The following USP8 variants were observed in gnomAD, a reference collection of about 807,000 sequenced individuals.
USP8 encodes the protein ubiquitin carboxyl-terminal hydrolase 8.
A neutral mutation model predicts 130.0 loss-of-function variants in USP8; 27 were observed. The ratio of observed to expected loss-of-function variants is 0.21; its 90% CI spans 0.15 to 0.29. USP8 has a LOEUF of 0.29. USP8 is among the 10% of genes least tolerant of loss of function. The probability of loss-of-function intolerance (pLI) is 1.00; values close to 1 mark genes in which losing one functional copy is unlikely to be tolerated. For missense variants in USP8, 1,029 were observed against 1,312.2 expected, an observed-to-expected ratio of 0.78 and a Z score of 3.33; for synonymous variants, 392 against 444.1, an observed-to-expected ratio of 0.88 and a Z score of 1.48.
intron 8 of USP8, among the ~76,000 whole-genome samples, chr15:50,476,175 T>C (rs1196973872): frequency 1.3e-5 from 2 of 152,160 alleles, no homozygotes; most frequent in African/African-American, 4.8e-5. Context: ...CTCACGCCTA[T>C]AAATCCCAGC....
chr15:50,451,872 G>T (rs759429330), intron 4 of USP8, among the ~76,000 whole-genome samples: 4 of 152,230 alleles, frequency 2.6e-5, no homozygotes, highest in Admixed American at 6.5e-5. Context: ...ATGCTCTCTA[G>T]GTTTGGAGAA....
In USP8 at chr15:50,426,203, A is replaced by G. The variant is rs570739786; in HGVS notation, c.-66+1689A>G. Among the ~76,000 whole-genome samples, 17 of 152,354 alleles carry G rather than the reference A, an allele frequency of 1.1e-4. No homozygotes were observed. In the South Asian group the frequency reaches 3.3e-3, roughly 30 times the overall value. ...GGTAAGACAGTTGGAAAATAAAGCCAGTACATTAAATTTTTTTCATAAGTC... is the reference window on the plus strand; with the variant it reads ...GGTAAGACAGTTGGAAAATAAAGCCGGTACATTAAATTTTTTTCATAAGTC... On this transcript the variant is annotated intron_variant, in intron 1 of 19. Coordinates refer to ENST00000307179, the MANE Select transcript of USP8 (RefSeq NM_005154.5).
intron 11 of USP8, among the ~76,000 whole-genome samples, chr15:50,482,785 T>C (rs1163542210): frequency 6.6e-6 from 1 of 152,196 alleles, no homozygotes; most frequent in African/African-American, 2.4e-5. Context: ...TATGTATAAA[T>C]GGAAAAAACA....
intron 5 of USP8, among the ~76,000 whole-genome samples, chr15:50,459,439 C>T (rs1042169797): frequency 2.0e-5 from 3 of 152,168 alleles, no homozygotes; most frequent in African/African-American, 7.2e-5. Flanking sequence ...CAAAAGTTAG[C>T]TGGATGTGGT....
intron 4 of USP8, 83 bp from the exon 5 acceptor site, chr15:50,458,917 T>C: frequency 1.3e-6 from 2 of 1,537,536 alleles, no homozygotes; most frequent in Non-Finnish European, 1.8e-6. Flanking sequence ...CAAGGCAGGA[T>C]ACTAATTTTA....
Position 50,425,276 on chromosome 15 carries a change from A to T in USP8, c.-66+762A>T, listed in dbSNP as rs138667305. Among the ~76,000 whole-genome samples the T allele has an allele frequency of 5.3e-5, 8 of 152,304 alleles. No individual in the cohort carries two copies. The East Asian group carries it at 1.4e-3, about 26-fold the overall frequency. On this transcript the variant is annotated intron_variant, in intron 1 of 19. Transcript: ENST00000307179. Reference sequence around the variant, plus strand: ...GACCTGAGGGTTTCAGATGAAAGGGATTTATATCTAAAGGATGTTACCTTT... The same window carrying T: ...GACCTGAGGGTTTCAGATGAAAGGGTTTTATATCTAAAGGATGTTACCTTT...
chr15:50,441,822 GT>G (rs941268159), intron 3 of USP8, among the ~76,000 whole-genome samples: 6 of 150,742 alleles, frequency 4.0e-5, no homozygotes, highest in Non-Finnish European at 7.4e-5. Flanking sequence ...ACATGACTGT[GT>G]TTTTTTTTAT....
rs375156642 is a variant in USP8, at chr15:50,459,020, G to A, written c.356G>A (p.Arg119Gln). ...LKLRYEEAEV[R>Q]KKLEEKDRQE... is the part of the protein sequence containing the mutation. ...ACTAGATATGAAGAAGCTGAAGTCC[G>A]GAAAAAACTTGAGGAAAAAGACAGG... Residue 119 changes from arginine to glutamine, a missense_variant, in exon 5 of 20, where the codon CGG becomes CAG. Arg to Gln is a conservative substitution (Grantham distance 43, BLOSUM62 1). Around this residue, in one of 4 missense-constraint regions of USP8, gnomAD observed 281 missense variants for 336.7 expected, o/e 0.83. Transcript: ENST00000307179. 24 of 1,613,060 alleles carry A rather than the reference G, an allele frequency of 1.5e-5. No homozygotes were observed. The highest frequency in any genetic ancestry group is 8.9e-5 in the East Asian group (4 of 44,882).
At chr15:50,473,725 C>T (rs560797668) in intron 8 of USP8, among the ~76,000 whole-genome samples, 14 of 151,978 alleles carry the variant, frequency 9.2e-5, no homozygotes, top group South Asian at 4.1e-4. Context: ...TCTCAAACTC[C>T]TGGCCTCAAG....
intron 7 of USP8, 56 bp downstream of exon 7, chr15:50,465,247 C>A: frequency 6.8e-7 from 1 of 1,476,274 alleles, no homozygotes; most frequent in Non-Finnish European, 9.1e-7. Context: ...AACTGTGGAC[C>A]TTAGTAAATG....
chr15:50,493,192 T>A (rs1474016014), intron 15 of USP8: 1 of 525,356 alleles, frequency 1.9e-6, no homozygotes, highest in Non-Finnish European at 3.6e-6. Context: ...CCTAATCCTG[T>A]TCACCCGGGA....
chr15:50,494,597 A>G (rs533718955), intron 16 of USP8, among the ~76,000 whole-genome samples: 1 of 152,348 alleles, frequency 6.6e-6, no homozygotes, highest in East Asian at 1.9e-4. Context: ...CAGTTTGAGC[A>G]TTTTTATTGT....
rs186532353 is a variant in USP8, at chr15:50,445,394, A to C, written c.249+3901A>C. ...AACCCCATCTCTACTAAAAATACAAAAATTAGCAGGGTGTGGTGGTATGCA... is the reference window on the plus strand; with the variant it reads ...AACCCCATCTCTACTAAAAATACAACAATTAGCAGGGTGTGGTGGTATGCA... On this transcript the variant is annotated intron_variant, in intron 3 of 19. Coordinates refer to ENST00000307179, the MANE Select transcript of USP8 (RefSeq NM_005154.5). 3.3e-3 allele frequency among the ~76,000 whole-genome samples: 493 copies of C among 149,706 alleles called. 5 individuals are homozygous for C. The highest frequency in any genetic ancestry group is 0.012 in the African/African-American group (481 of 40,684).
chr15:50,499,076 T>C lies in USP8; in HGVS notation c.3345T>C (p.Asp1115=). The change falls in exon 20 of 20, where the codon GAT becomes GAC. Residue 1115 remains aspartate, a synonymous_variant. Transcript: ENST00000307179. ...CTTCATTGGGACCACGAGTAACTGA[T>C]GTAGCCACATAAGGAGACATAGGTT... ...FYTSLGPRVT[D]VAT is the part of the protein sequence containing the mutation. The C allele has an allele frequency of 1.2e-6, 2 of 1,608,086 alleles. No individual in the cohort carries two copies. The highest frequency in any genetic ancestry group is 2.2e-5 in the East Asian group (1 of 44,808).
chr15:50,462,933 A>G (rs757583206), intron 6 of USP8, among the ~76,000 whole-genome samples: 8 of 150,146 alleles, frequency 5.3e-5, no homozygotes, highest in African/African-American at 9.7e-5. Context: ...ATTATTTAAC[A>G]GTCATTTACA....
rs2052552289 is a variant in USP8, at chr15:50,500,003, G to A, written c.*915G>A. 1.3e-5 allele frequency: 2 copies of A among 152,136 alleles called. No individual in the cohort carries two copies. Among genetic ancestry groups the A allele is most frequent in the Non-Finnish European group, 2.9e-5 (2 of 68,020 alleles). The allele number at this position is 152,136 out of a possible 1,614,324, so 9.4% of individuals were successfully genotyped here. A position where few individuals can be genotyped will look rare whatever the true frequency, so the allele number is the denominator to read the frequency against. On this transcript the variant is annotated 3_prime_UTR_variant, in exon 20 of 20. Transcript: ENST00000307179. ...GCATTATAAACTACATCTTTACAGA[G>A]TGATGTATTAAGAGGGTTAAAGGAG... is the stretch of plus-strand genomic sequence containing the variant.
intron 5 of USP8, among the ~76,000 whole-genome samples, chr15:50,459,604 T>C (rs1346001471): frequency 6.6e-6 from 1 of 152,110 alleles, no homozygotes; most frequent in African/African-American, 2.4e-5. Flanking sequence ...GAAAAGAATT[T>C]GAATTAAATA....
chr15:50,495,483 T>TGA (rs2052357023), intron 16 of USP8, among the ~76,000 whole-genome samples: 1 of 94,402 alleles, frequency 1.1e-5, no homozygotes, highest in Admixed American at 1.4e-4. Context: ...TAGTAGAGAT[T>TGA]GGAGGGGGGG....
At chr15:50,460,931 C>A (rs1026967879) in intron 5 of USP8, among the ~76,000 whole-genome samples, 1 of 151,450 alleles carries the variant, frequency 6.6e-6, no homozygotes, top group Non-Finnish European at 1.5e-5. Flanking sequence ...CCAAGGTGGG[C>A]AGGTCATTTG....
Sources: gnomAD v4.1 joint callset for allele counts (sites outside exome capture counted in the v4.1 genomes callset) on GRCh38, gnomAD v4.1.1 for gene constraint, gnomAD v4.1.1 regional missense constraint, MANE v1.5 for transcripts, NCBI Gene and HGNC (gene_info 2026-07-23, HGNC 2026-07-21) for gene names.